POLR3B: variants seen among roughly 807,000 people sequenced by gnomAD.
POLR3B encodes RNA polymerase III subunit B, also known as DNA-directed RNA polymerase III subunit RPC2.
POLR3B carries 96 observed loss-of-function variants against 147.4 expected under a neutral mutation model. The ratio of observed to expected loss-of-function variants is 0.65; its 90% CI spans 0.55 to 0.77. The LOEUF is 0.77. Among genes scored for constraint, POLR3B ranks in the 30% least tolerant of loss-of-function variants. POLR3B has a pLI of 0.00. For synonymous variants in POLR3B, 461 were observed against 485.9 expected, an observed-to-expected ratio of 0.95 and a Z score of 0.67; for missense variants, 1,036 against 1,413.5, an observed-to-expected ratio of 0.73 and a Z score of 4.28.
At position 106,433,879 on chromosome 12, in the gene POLR3B, A is replaced by G. The variant is rs1289288375; in HGVS notation, c.1781+7A>G. On this transcript the variant is annotated splice_region_variant and intron_variant, in intron 16 of 27. Coordinates refer to ENST00000228347, the MANE Select transcript of POLR3B (RefSeq NM_018082.6). Reference sequence around the variant, plus strand: ...ATGGGGGAAGGCTATGCAGGTATATATGCAGGTTACTAAAAAGAGTTTTTA... The same window carrying G: ...ATGGGGGAAGGCTATGCAGGTATATGTGCAGGTTACTAAAAAGAGTTTTTA... 2 of 1,609,380 alleles carry G rather than the reference A, an allele frequency of 1.2e-6. No homozygotes were observed. Among genetic ancestry groups the G allele is most frequent in the Non-Finnish European group, 1.7e-6 (2 of 1,176,308 alleles).
chr12:106,454,992 T>C (rs1380296659), intron 20 of POLR3B, among the ~76,000 whole-genome samples: 1 of 152,186 alleles, frequency 6.6e-6, no homozygotes, highest in South Asian at 2.1e-4. Context: ...AATGTAAGAA[T>C]GTGTTTGTTT....
chr12:106,461,741 ATGT>A (rs2037939763), intron 22 of POLR3B, among the ~76,000 whole-genome samples: 1 of 152,092 alleles, frequency 6.6e-6, no homozygotes, highest in African/African-American at 2.4e-5. Flanking sequence ...TCTTCCCTTG[ATGT>A]TGTGACACTG....
intron 25 of POLR3B, among the ~76,000 whole-genome samples, chr12:106,500,694 A>G (rs185956896): frequency 6.6e-6 from 1 of 152,322 alleles, no homozygotes; most frequent in East Asian, 1.9e-4. Context: ...ACGGTAAGTC[A>G]GAGGCCCCAA....
chr12:106,376,384 A>G lies in POLR3B; in HGVS notation c.430A>G (p.Asn144Asp). 2 of 1,612,866 alleles carry G rather than the reference A, an allele frequency of 1.2e-6. No homozygotes were observed. The highest frequency in any genetic ancestry group is 1.7e-6 in the Non-Finnish European group (2 of 1,179,334). Reference sequence around the variant, plus strand: ...AATGCCCATAATGCTACGTAGTTCAAACTGTGTTCTTACAGGAAAAACGCC... The same window carrying G: ...AATGCCCATAATGCTACGTAGTTCAGACTGTGTTCTTACAGGAAAAACGCC... The part of the protein sequence containing the change: ...GRMPIMLRSS[N>D]CVLTGKTPAE... Residue 144 changes from asparagine to aspartate, a missense_variant, in exon 7 of 28, where the codon AAC becomes GAC. Asn to Asp is a conservative substitution (Grantham distance 23). Around this residue, in one of 12 missense-constraint regions of POLR3B, gnomAD observed 217 missense variants for 288.7 expected, o/e 0.75. Coordinates refer to ENST00000228347, the MANE Select transcript of POLR3B (RefSeq NM_018082.6).
At chr12:106,501,605 TAGC>T (rs1458423588) in intron 26 of POLR3B, among the ~76,000 whole-genome samples, 169 bp downstream of exon 26, 2 of 152,192 alleles carry the variant, frequency 1.3e-5, no homozygotes, top group Non-Finnish European at 2.9e-5. Context: ...AATGAAAAAG[TAGC>T]AGCCAATTAA....
At position 106,446,874 on chromosome 12, in the gene POLR3B, T is replaced by A. The variant is rs558268589; in HGVS notation, c.2083+2284T>A. 7.9e-5 allele frequency among the ~76,000 whole-genome samples: 12 copies of A among 152,326 alleles called. No individual in the cohort carries two copies. The South Asian group carries it at 2.5e-3, about 32-fold the overall frequency. ...ATTTCTCTGTGGACACTGAAATAGC[T>A]GCAGAAGTATTGAGCAAAGTCTGCT... is the stretch of plus-strand genomic sequence containing the variant. On this transcript the variant is annotated intron_variant, in intron 19 of 27. Transcript: ENST00000228347.
intron 12 of POLR3B, among the ~76,000 whole-genome samples, chr12:106,412,034 A>C (rs985822435): frequency 6.6e-6 from 1 of 152,174 alleles, no homozygotes; most frequent in Non-Finnish European, 1.5e-5. Context: ...CTTTGCTGCT[A>C]ATTTCAACGT....
intron 10 of POLR3B, among the ~76,000 whole-genome samples, chr12:106,402,169 C>T (rs1475034028): frequency 2.6e-5 from 4 of 152,030 alleles, no homozygotes; most frequent in African/African-American, 9.7e-5. Context: ...ACACCAATAA[C>T]AGACAAACAG....
intron 23 of POLR3B, among the ~76,000 whole-genome samples, chr12:106,488,342 T>C (rs1005786146): frequency 2.0e-5 from 3 of 152,258 alleles, no homozygotes; most frequent in Admixed American, 2.0e-4. Flanking sequence ...TTTAGTAGTA[T>C]GCAAAATGCT....
chr12:106,504,971 T>G lies in POLR3B; in HGVS notation c.3272+717T>G, dbSNP rs946260024. On this transcript the variant is annotated intron_variant, in intron 27 of 27. Transcript: ENST00000228347. This position sits in a 1 kb window ranked among gnomAD's most constrained non-coding sequence, Gnocchi z 4.6. ...TGCATCCTGTCATGTTTACCCTCATTTCTCCAGCCTGGGACCTGGTAGATG... is the reference window on the plus strand; with the variant it reads ...TGCATCCTGTCATGTTTACCCTCATGTCTCCAGCCTGGGACCTGGTAGATG... 5.3e-5 allele frequency among the ~76,000 whole-genome samples: 8 copies of G among 152,216 alleles called. No individual in the cohort carries two copies. The highest frequency in any genetic ancestry group is 1.2e-4 in the Non-Finnish European group (8 of 68,042).
At chr12:106,365,916 C>G (rs1054697595) in intron 2 of POLR3B, among the ~76,000 whole-genome samples, 8 of 151,882 alleles carry the variant, frequency 5.3e-5, no homozygotes, top group African/African-American at 1.9e-4. Flanking sequence ...CACACATTAG[C>G]CCGGGCCAGA....
intron 23 of POLR3B, among the ~76,000 whole-genome samples, chr12:106,478,826 T>TC: frequency 6.6e-6 from 1 of 152,156 alleles, no homozygotes; most frequent in Non-Finnish European, 1.5e-5. Context: ...TCCTTGTCTC[T>TC]CCTCCTCACC....
At chr12:106,376,054 C>T (rs1158740788) in intron 6 of POLR3B, among the ~76,000 whole-genome samples, 1 of 152,146 alleles carries the variant, frequency 6.6e-6, no homozygotes, top group Non-Finnish European at 1.5e-5. Flanking sequence ...CCATGTTGGC[C>T]AGGCTGCTCT....
At chr12:106,375,386 T>G (rs550831809) in intron 6 of POLR3B, among the ~76,000 whole-genome samples, 2 of 152,316 alleles carry the variant, frequency 1.3e-5, no homozygotes, top group East Asian at 3.9e-4. Flanking sequence ...AATTTATGGC[T>G]CTTATCTCTT....
At chr12:106,501,858 A>G (rs925294405) in intron 26 of POLR3B, among the ~76,000 whole-genome samples, 8 of 152,248 alleles carry the variant, frequency 5.3e-5, no homozygotes, top group African/African-American at 1.9e-4. Context: ...TTTTAAAACT[A>G]ATGTTATTGA....
chr12:106,364,895 G>A (rs2036512770), intron 2 of POLR3B, among the ~76,000 whole-genome samples: 1 of 152,218 alleles, frequency 6.6e-6, no homozygotes, highest in Admixed American at 6.5e-5. Flanking sequence ...CAGCACCTGG[G>A]GAGGCTGAGG....
chr12:106,433,527 T>G (rs1005127957), intron 15 of POLR3B, among the ~76,000 whole-genome samples, 192 bp from the exon 16 acceptor site: 2 of 152,204 alleles, frequency 1.3e-5, no homozygotes, highest in Non-Finnish European at 2.9e-5. Flanking sequence ...TCAGCCTGCA[T>G]GTGGAAGGAC....
chr12:106,370,920 C>T (rs61943673), intron 6 of POLR3B, among the ~76,000 whole-genome samples: 83 of 152,142 alleles, frequency 5.5e-4, no homozygotes, highest in Non-Finnish European at 8.2e-4. Context: ...GCGTGAGCCA[C>T]CGCGCCTGGC....
At chr12:106,379,978 C>G in intron 8 of POLR3B, 53 bp from the exon 9 acceptor site, 1 of 986,244 alleles carries the variant, frequency 1.0e-6, no homozygotes, top group Non-Finnish European at 1.6e-6. Context: ...TTGCATGTTA[C>G]TAGCTTGAAA....
Sources: gnomAD v4.1 joint callset for allele counts (sites outside exome capture counted in the v4.1 genomes callset) on GRCh38, gnomAD v4.1.1 for gene constraint, gnomAD v4.1.1 regional missense constraint, Gnocchi (gnomAD v3.1) non-coding constraint, MANE v1.5 for transcripts, NCBI Gene and HGNC (gene_info 2026-07-23, HGNC 2026-07-21) for gene names.